The following TYW1 variants were observed in gnomAD, a reference collection of about 807,000 sequenced individuals.
The protein encoded by TYW1 is tRNA-yW synthesizing protein 1 homolog.
TYW1 carries 46 observed loss-of-function variants against 96.2 expected under a neutral mutation model. The observed-to-expected ratio is 0.48, with a 90% CI of 0.38 to 0.61. TYW1 has a LOEUF of 0.61. TYW1 is among the 20% of genes least tolerant of loss of function. TYW1 has a pLI of 0.00. For missense variants in TYW1, 684 were observed against 909.6 expected, an observed-to-expected ratio of 0.75 and a Z score of 3.19; for synonymous variants, 274 against 323.0, an observed-to-expected ratio of 0.85 and a Z score of 1.63.
chr7:67,012,481 C>T (rs1263684507), intron 4 of TYW1, among the ~76,000 whole-genome samples: 2 of 152,132 alleles, frequency 1.3e-5, no homozygotes, highest in Admixed American at 6.6e-5. Flanking sequence ...TACTGGTGTG[C>T]ACATGAGTGA....
intron 4 of TYW1, among the ~76,000 whole-genome samples, chr7:67,010,196 C>T (rs1411720670): frequency 6.6e-6 from 1 of 152,002 alleles, no homozygotes. Context: ...GAGGTTTCAC[C>T]ATGTTGGCCA....
chr7:67,054,129 G>T (rs1795441434), intron 8 of TYW1, among the ~76,000 whole-genome samples: 1 of 152,016 alleles, frequency 6.6e-6, no homozygotes, highest in Admixed American at 6.6e-5. Flanking sequence ...TCCATTTTTT[G>T]GTATTTCAAG....
At chr7:67,032,885 C>CTTTTTTTTTTTTTTTTTTTTTTTT (rs778743156) in intron 7 of TYW1, among the ~76,000 whole-genome samples, 1 of 76,278 alleles carries the variant, frequency 1.3e-5, no homozygotes, top group Non-Finnish European at 2.3e-5. Context: ...AGAAGTATAC[C>CTTTTTTTTTTTTTTTTTTTTTTTT]TTTTTTTTTT....
chr7:67,073,815 G>C (rs1181549617), intron 10 of TYW1, among the ~76,000 whole-genome samples: 3 of 146,428 alleles, frequency 2.0e-5, no homozygotes, highest in Non-Finnish European at 4.5e-5. Context: ...AGGCGCGGTT[G>C]CTCACGCCCA....
intron 14 of TYW1, among the ~76,000 whole-genome samples, chr7:67,186,940 T>C (rs1352980152): frequency 6.6e-6 from 1 of 152,120 alleles, no homozygotes; most frequent in Non-Finnish European, 1.5e-5. Flanking sequence ...GAATGTGCTG[T>C]TGGGAAATGA....
chr7:67,210,471 A>T, intron 15 of TYW1, among the ~76,000 whole-genome samples: 1 of 152,242 alleles, frequency 6.6e-6, no homozygotes, highest in African/African-American at 2.4e-5. Flanking sequence ...GCTCTTTGGG[A>T]GGAAATCACC....
intron 3 of TYW1, among the ~76,000 whole-genome samples, chr7:67,002,843 CTT>C: frequency 8.5e-6 from 1 of 117,826 alleles, no homozygotes; most frequent in Admixed American, 8.8e-5. Context: ...TTTTCTTTTT[CTT>C]TTTCTTTTTT....
intron 10 of TYW1, among the ~76,000 whole-genome samples, chr7:67,076,579 G>A (rs575236526): frequency 2.8e-4 from 42 of 151,928 alleles, no homozygotes; most frequent in South Asian, 1.2e-3. Flanking sequence ...AGGTTCAAGC[G>A]ATTCTTGTCC....
intron 10 of TYW1, among the ~76,000 whole-genome samples, chr7:67,079,489 CTT>C (rs60070909): frequency 0.018 from 2,631 of 146,148 alleles, 84 homozygotes; most frequent in African/African-American, 0.062. Context: ...TTATTTGGAT[CTT>C]TTTTTTTTTC....
At chr7:67,033,883 C>G (rs997879380) in intron 7 of TYW1, among the ~76,000 whole-genome samples, 6 of 150,686 alleles carry the variant, frequency 4.0e-5, no homozygotes, top group Non-Finnish European at 5.9e-5. Context: ...TTAGTAGAGA[C>G]GAGGTTTCAC....
chr7:67,033,738 A>G, intron 7 of TYW1, among the ~76,000 whole-genome samples: 1 of 146,158 alleles, frequency 6.8e-6, no homozygotes, highest in African/African-American at 2.5e-5. Flanking sequence ...CTCTGTTGCC[A>G]AGGCTGGAGT....
At chr7:67,111,003 G>A (rs775444455) in intron 12 of TYW1, among the ~76,000 whole-genome samples, 3 of 151,644 alleles carry the variant, frequency 2.0e-5, no homozygotes, top group Non-Finnish European at 2.9e-5. Context: ...AGACCTTGTC[G>A]CAAAAAATAA....
chr7:67,151,340 T>A (rs187845484), intron 13 of TYW1, among the ~76,000 whole-genome samples: 4,826 of 151,692 alleles, frequency 0.032, 156 homozygotes, highest in African/African-American at 0.11. Flanking sequence ...TGAGCCGCTG[T>A]GCCTGGCTCA....
chr7:67,112,628 AAAAG>A (rs1797460385), intron 12 of TYW1, among the ~76,000 whole-genome samples: 1 of 151,950 alleles, frequency 6.6e-6, no homozygotes, highest in Non-Finnish European at 1.5e-5. Context: ...AAAAAAAAAA[AAAAG>A]AAAACAAAAG....
chr7:67,149,354 C>G (rs1412092154), intron 13 of TYW1, among the ~76,000 whole-genome samples: 1 of 152,144 alleles, frequency 6.6e-6, no homozygotes, highest in Non-Finnish European at 1.5e-5. Flanking sequence ...ATAATAGAAA[C>G]TATATGGGTT....
At chr7:67,113,055 T>C (rs916455912) in intron 12 of TYW1, among the ~76,000 whole-genome samples, 2 of 152,200 alleles carry the variant, frequency 1.3e-5, no homozygotes, top group African/African-American at 4.8e-5. Flanking sequence ...TTTGCATTTC[T>C]TCTTTGGACA....
intron 13 of TYW1, among the ~76,000 whole-genome samples, chr7:67,173,844 A>G (rs1346286062): frequency 7.1e-6 from 1 of 140,678 alleles, no homozygotes; most frequent in African/African-American, 2.8e-5. Flanking sequence ...TGGGTGGTGA[A>G]TGGTGTCATA....
In TYW1 at chr7:66,996,994, C is replaced by G; in HGVS notation, c.4+12C>G. 1 of 1,614,066 alleles carries G rather than the reference C, an allele frequency of 6.2e-7. No individual in the cohort carries two copies. The highest frequency in any genetic ancestry group is 8.5e-7 in the Non-Finnish European group (1 of 1,179,996). On this transcript the variant is annotated intron_variant, in intron 1 of 15. Coordinates refer to ENST00000359626, the MANE Select transcript of TYW1 (RefSeq NM_018264.4). ...TCTGAGGAGGATGGGTAAGGGCACT[C>G]GGCGGGCAAGGACCCTGGGGCGGCA...
At chr7:67,065,598 C>A (rs990334872) in intron 9 of TYW1, among the ~76,000 whole-genome samples, 6 of 149,620 alleles carry the variant, frequency 4.0e-5, no homozygotes, top group African/African-American at 1.5e-4. Context: ...GTTTTCCCTT[C>A]ACACCTTTTT....
Sources: allele counts gnomAD v4.1 joint callset (sites outside exome capture counted in the v4.1 genomes callset), GRCh38; gene constraint gnomAD v4.1.1; transcripts MANE v1.5; gene names NCBI Gene and HGNC (gene_info 2026-07-23, HGNC 2026-07-21).